Variants in L3MBTL4 observed in about 807,000 individuals in gnomAD.
L3MBTL4 encodes L3MBTL histone methyl-lysine binding protein 4, also known as lethal(3)malignant brain tumor-like protein 4.
In L3MBTL4, 70 loss-of-function variants were observed where a neutral mutation model predicts 84.5. The observed-to-expected ratio is 0.83, with a 90% CI of 0.68 to 1.01. L3MBTL4 has a LOEUF of 1.01. Ranked by LOEUF, L3MBTL4 falls within the 50% of genes least tolerant of loss-of-function variation. The probability of loss-of-function intolerance (pLI) is 0.00; values close to 1 mark genes in which losing one functional copy is unlikely to be tolerated. For synonymous variants in L3MBTL4, 274 were observed against 259.8 expected (o/e 1.05, Z -0.52); for missense variants, 715 against 754.8 (o/e 0.95, Z 0.62).
At chr18:6,209,998 G>A (rs1944862230) in intron 12 of L3MBTL4, among the ~76,000 whole-genome samples, 1 of 152,166 alleles carries the variant, frequency 6.6e-6, no homozygotes. Flanking sequence ...TTGGGTAGAA[G>A]GAGGGTAGAA....
intron 4 of L3MBTL4, among the ~76,000 whole-genome samples, chr18:6,267,839 C>T (rs964401854): frequency 6.6e-6 from 1 of 152,140 alleles, no homozygotes; most frequent in Non-Finnish European, 1.5e-5. Flanking sequence ...GAGGATTACT[C>T]AGTAACATCA....
rs2043611658 is a variant in L3MBTL4, at chr18:6,165,658, C to T, written c.1096+6170G>A. 2.6e-5 allele frequency among the ~76,000 whole-genome samples: 4 copies of T among 152,070 alleles called. No individual in the cohort carries two copies. In the South Asian group the frequency reaches 8.3e-4, roughly 32 times the overall value. ...GAGATTTTGTCACCACCAGGCCTGC[C>T]CTAAAAGAGCTCCTGAAGGAAGCAC... On this transcript the variant is annotated intron_variant, in intron 13 of 18. Coordinates refer to ENST00000317931, the MANE Select transcript of L3MBTL4 (RefSeq NM_001330559.2).
intron 14 of L3MBTL4, among the ~76,000 whole-genome samples, chr18:6,136,808 CTTTG>C (rs2060041776): frequency 6.6e-6 from 1 of 152,168 alleles, no homozygotes; most frequent in Non-Finnish European, 1.5e-5. Flanking sequence ...TCTTTCCTTG[CTTTG>C]TTTGTGTGTT....
intron 12 of L3MBTL4, among the ~76,000 whole-genome samples, chr18:6,195,800 C>T (rs2045350214): frequency 1.3e-5 from 2 of 152,124 alleles, no homozygotes; most frequent in South Asian, 4.2e-4. Flanking sequence ...CCCCATAAAG[C>T]TTGGCTTCCC....
intron 10 of L3MBTL4, among the ~76,000 whole-genome samples, chr18:6,216,350 T>C (rs568007739): frequency 6.6e-6 from 1 of 152,244 alleles, no homozygotes; most frequent in Non-Finnish European, 1.5e-5. Flanking sequence ...GAACATGATA[T>C]AAAGAACTCT....
intron 1 of L3MBTL4, among the ~76,000 whole-genome samples, chr18:6,400,442 C>T (rs2144640903): frequency 6.6e-6 from 1 of 152,246 alleles, no homozygotes; most frequent in Non-Finnish European, 1.5e-5. Context: ...CAAGGTCTTA[C>T]CTTGTCATCC....
At chr18:6,261,458 C>T (rs377271816) in intron 5 of L3MBTL4, among the ~76,000 whole-genome samples, 2 of 152,168 alleles carry the variant, frequency 1.3e-5, no homozygotes, top group South Asian at 2.1e-4. Context: ...GCTCACCACC[C>T]GCCTCCTTCA....
At chr18:6,031,584 G>T in intron 16 of L3MBTL4, 1 of 940,282 alleles carries the variant, frequency 1.1e-6, no homozygotes. Flanking sequence ...TCATTCACAT[G>T]TTTGTTGGAC....
chr18:5,969,300 T>A (rs1244582755), intron 17 of L3MBTL4, 93 bp downstream of exon 17: 9 of 1,408,050 alleles, frequency 6.4e-6, no homozygotes, highest in Non-Finnish European at 8.0e-6. Flanking sequence ...AAGGGCGCTG[T>A]CCCAGACATC....
intron 10 of L3MBTL4, among the ~76,000 whole-genome samples, chr18:6,221,438 A>AAATCTATCTGTCTATT (rs2046548814): frequency 1.3e-5 from 2 of 152,202 alleles, no homozygotes; most frequent in African/African-American, 4.8e-5. Flanking sequence ...CACAATAGAC[A>AAATCTATCTGTCTATT]GAATGTTCAG....
intron 16 of L3MBTL4, among the ~76,000 whole-genome samples, chr18:6,049,129 A>G (rs1319047879): frequency 6.6e-6 from 1 of 151,990 alleles, no homozygotes; most frequent in African/African-American, 2.4e-5. Context: ...TCCAAACAAA[A>G]GAAAAAAAAA....
In L3MBTL4 at chr18:6,118,208, A is replaced by AACACACACACACACACACAC. The variant is rs60207558; in HGVS notation, c.1199+19966_1199+19985dup. ...TCTCTCTGTCTCTTAAACACACACAAACACACACACACACACACACGAGCA... is the reference window on the plus strand; with the variant it reads ...TCTCTCTGTCTCTTAAACACACACAAACACACACACACACACACACACACACACACACACACACACGAGCA... On this transcript the variant is annotated intron_variant, in intron 14 of 18. Coordinates refer to ENST00000317931, the MANE Select transcript of L3MBTL4 (RefSeq NM_001330559.2). Among the ~76,000 whole-genome samples, 613 of 141,848 alleles carry AACACACACACACACACACAC rather than the reference A, an allele frequency of 4.3e-3. 7 individuals are homozygous for AACACACACACACACACACAC. The highest frequency in any genetic ancestry group is 0.012 in the African/African-American group (439 of 37,600). The allele number at this position is 141,848 out of a possible 152,430, so 93.1% of individuals were successfully genotyped here. A position where few individuals can be genotyped will look rare whatever the true frequency, so the allele number is the denominator to read the frequency against.
chr18:6,019,504 A>G (rs978484905), intron 16 of L3MBTL4, among the ~76,000 whole-genome samples: 3 of 152,350 alleles, frequency 2.0e-5, no homozygotes, highest in Middle Eastern at 3.4e-3. Flanking sequence ...CTTCAGGTGC[A>G]TTAATTAGTT....
At chr18:6,280,956 A>G (rs1239842892) in intron 4 of L3MBTL4, among the ~76,000 whole-genome samples, 1 of 152,192 alleles carries the variant, frequency 6.6e-6, no homozygotes, top group Non-Finnish European at 1.5e-5. Flanking sequence ...AGAGACCCAC[A>G]TCACACTTCT....
intron 15 of L3MBTL4, among the ~76,000 whole-genome samples, chr18:6,092,582 A>T (rs1329732399): frequency 6.6e-6 from 1 of 152,140 alleles, no homozygotes; most frequent in African/African-American, 2.4e-5. Context: ...GGTCAGGAAA[A>T]CACCCATTTC....
intron 16 of L3MBTL4, among the ~76,000 whole-genome samples, chr18:6,032,906 T>C (rs2055906155): frequency 6.6e-6 from 1 of 152,234 alleles, no homozygotes; most frequent in African/African-American, 2.4e-5. Context: ...TATTCCGTTG[T>C]ATGTATATGC....
In L3MBTL4 at chr18:6,227,493, A is replaced by G. The variant is rs2046826629; in HGVS notation, c.784+10471T>C. ...ATTCATAGCTAAAACCTTCCCAGAA[A>G]CAAAACCTCAAGCCCAGATGGCTTC... On this transcript the variant is annotated intron_variant, in intron 10 of 18. Coordinates refer to ENST00000317931, the MANE Select transcript of L3MBTL4 (RefSeq NM_001330559.2). 2.0e-5 allele frequency among the ~76,000 whole-genome samples: 3 copies of G among 152,322 alleles called. No individual in the cohort carries two copies. The South Asian group carries it at 6.2e-4, about 32-fold the overall frequency.
chr18:6,342,727 C>T (rs1381421340), intron 1 of L3MBTL4, among the ~76,000 whole-genome samples: 1 of 151,904 alleles, frequency 6.6e-6, no homozygotes, highest in East Asian at 1.9e-4. Flanking sequence ...TTAGTAAGTC[C>T]TTGCCTATCA....
intron 16 of L3MBTL4, among the ~76,000 whole-genome samples, chr18:6,035,145 T>G (rs2056059880): frequency 6.6e-6 from 1 of 150,408 alleles, no homozygotes; most frequent in African/African-American, 2.4e-5. Flanking sequence ...AGAAGCTCTT[T>G]AGTTTAATTA....
Sources: gnomAD v4.1 joint callset for allele counts (sites outside exome capture counted in the v4.1 genomes callset) on GRCh38, gnomAD v4.1.1 for gene constraint, MANE v1.5 for transcripts, NCBI Gene and HGNC (gene_info 2026-07-23, HGNC 2026-07-21) for gene names.